IFT140: variants seen among roughly 807,000 people sequenced by gnomAD.
The protein encoded by IFT140 is intraflagellar transport 140.
A neutral mutation model predicts 164.6 loss-of-function variants in IFT140; 133 were observed. That is an observed-to-expected ratio of 0.81 (90% CI 0.70 to 0.93). The LOEUF (loss-of-function observed/expected upper bound fraction) is 0.93. IFT140 is among the 40% of genes least tolerant of loss of function. The pLI is 0.00. For synonymous variants in IFT140, 860 were observed against 817.3 expected, an observed-to-expected ratio of 1.05 and a Z score of -0.89; for missense variants, 2,045 against 1,972.3, an observed-to-expected ratio of 1.04 and a Z score of -0.70.
chr16:1,522,620 C>T (rs1596301049), intron 26 of IFT140, among the ~76,000 whole-genome samples: 1 of 152,154 alleles, frequency 6.6e-6, no homozygotes, highest in South Asian at 2.1e-4. Flanking sequence ...GCAGGCAGAT[C>T]ACGAGGTCAA....
intron 2 of IFT140, among the ~76,000 whole-genome samples, chr16:1,609,610 A>G (rs1164742093): frequency 3.3e-5 from 5 of 152,230 alleles, no homozygotes; most frequent in Non-Finnish European, 7.3e-5. Context: ...CTTAGCAAGG[A>G]GAGAGATTCT....
intron 1 of IFT140, among the ~76,000 whole-genome samples, chr16:1,611,197 C>T (rs1400616656): frequency 6.6e-6 from 1 of 152,180 alleles, no homozygotes; most frequent in East Asian, 1.9e-4. Flanking sequence ...CCAAGCGAGG[C>T]AGGGAGCGCC....
In IFT140 at chr16:1,551,109, T is replaced by C. The variant is rs1204193352; in HGVS notation, c.2399+6826A>G. 6.6e-6 allele frequency among the ~76,000 whole-genome samples: 1 copy of C among 152,236 alleles called. No individual in the cohort carries two copies. The highest frequency in any genetic ancestry group is 1.5e-5 in the Non-Finnish European group (1 of 68,038). Reference sequence around the variant, plus strand: ...CCCGCAGCTCCACACTGCATTCTGTTCTGTTTCACGTCTACTTTGGTCTCC... The same window carrying C: ...CCCGCAGCTCCACACTGCATTCTGTCCTGTTTCACGTCTACTTTGGTCTCC... On this transcript the variant is annotated intron_variant, in intron 19 of 30. Transcript: ENST00000426508. The surrounding 1 kb of genome is among the most constrained non-coding windows in gnomAD (Gnocchi z 4.0).
intron 30 of IFT140, chr16:1,514,252 C>A (rs2040278258): frequency 6.6e-6 from 1 of 151,990 alleles, no homozygotes; most frequent in Non-Finnish European, 1.5e-5. Context: ...CGCCTGTAGT[C>A]CCAGCTACTC....
At chr16:1,590,826 C>T (rs1268365996) in intron 6 of IFT140, among the ~76,000 whole-genome samples, 3 of 152,134 alleles carry the variant, frequency 2.0e-5, no homozygotes, top group Admixed American at 6.5e-5. Flanking sequence ...AGTAGAGTGA[C>T]ATGATCATAG....
At chr16:1,544,671 T>C (rs192068259) in intron 19 of IFT140, among the ~76,000 whole-genome samples, 2,630 of 151,862 alleles carry the variant, frequency 0.017, 29 homozygotes, top group Non-Finnish European at 0.027. Flanking sequence ...TTTTTTGAGA[T>C]GGAGTCTCGC....
intron 19 of IFT140, chr16:1,554,751 C>G: frequency 6.2e-7 from 1 of 1,609,986 alleles, no homozygotes; most frequent in Non-Finnish European, 8.5e-7. Flanking sequence ...TCCTCTCAGA[C>G]AAGGCCTCTC....
chr16:1,564,985 C>T lies in IFT140; in HGVS notation c.1902-823G>A, dbSNP rs986639027. Reference sequence around the variant, plus strand: ...TGCTCCAGACAAGGCGGCTCTGAGGCCCAGAGAGCCCGGGGACACAAGCTG... The same window carrying T: ...TGCTCCAGACAAGGCGGCTCTGAGGTCCAGAGAGCCCGGGGACACAAGCTG... On this transcript the variant is annotated intron_variant, in intron 16 of 30. Coordinates refer to ENST00000426508, the MANE Select transcript of IFT140 (RefSeq NM_014714.4). The surrounding 1 kb of genome is among the most constrained non-coding windows in gnomAD (Gnocchi z 5.5). 6.6e-6 allele frequency among the ~76,000 whole-genome samples: 1 copy of T among 152,134 alleles called. No individual in the cohort carries two copies.
chr16:1,519,430 C>T (rs1309358710), intron 29 of IFT140, among the ~76,000 whole-genome samples: 4 of 152,164 alleles, frequency 2.6e-5, no homozygotes, highest in Non-Finnish European at 4.4e-5. Context: ...CCGAGACCAT[C>T]GGCTGGCTGC....
intron 9 of IFT140, 47 bp downstream of exon 9, chr16:1,587,151 G>A: frequency 8.4e-7 from 1 of 1,194,584 alleles, no homozygotes. Flanking sequence ...GGCGCACAAT[G>A]CTTGTGGTTG....
At chr16:1,577,634 A>G (rs1041688385) in intron 13 of IFT140, 1 of 152,140 alleles carries the variant, frequency 6.6e-6, no homozygotes, top group African/African-American at 2.4e-5. Flanking sequence ...CAGGTGGATC[A>G]CCTGAGGTCA....
chr16:1,573,346 C>T (rs1031720215), intron 13 of IFT140, among the ~76,000 whole-genome samples: 1 of 151,834 alleles, frequency 6.6e-6, no homozygotes, highest in Non-Finnish European at 1.5e-5. Context: ...CTGCCCCTTA[C>T]CTGCTGGGTC....
rs1354515667 is a variant in IFT140, at chr16:1,587,289, T to A, written c.918A>T (p.Glu306Asp). 1 of 1,610,790 alleles carries A rather than the reference T, an allele frequency of 6.2e-7. No individual in the cohort carries two copies. Among genetic ancestry groups the A allele is most frequent in the South Asian group, 1.1e-5 (1 of 91,016 alleles). The change falls in exon 9 of 31, where the codon GAA (glutamate) becomes GAT (aspartate). Residue 306 changes from glutamate (E) to aspartate (D), a missense_variant. Coordinates refer to ENST00000426508, the MANE Select transcript of IFT140 (RefSeq NM_014714.4). ...GACTCAGTATATAATTCTCTCCTCG[T>A]TCTATGTCCCAGAATCTACAACAGA... ...GEAALRFWDI[E>D]RGENYILSPD...
chr16:1,545,544 AAC>A (rs2032099526), intron 19 of IFT140, among the ~76,000 whole-genome samples: 1 of 152,184 alleles, frequency 6.6e-6, no homozygotes, highest in African/African-American at 2.4e-5. Context: ...GTCTGTTTTA[AAC>A]AGTCAGGGAG....
intron 14 of IFT140, 31 bp downstream of exon 14, chr16:1,571,376 G>A (rs556892284): frequency 5.6e-6 from 9 of 1,604,258 alleles, no homozygotes; most frequent in Non-Finnish European, 7.7e-6. Context: ...CTAAAAAAAT[G>A]TTCACACTTC....
In IFT140 at chr16:1,524,603, C is replaced by T. The variant is rs146280554; in HGVS notation, c.3090G>A (p.Val1030=). 1 of 1,606,198 alleles carries T rather than the reference C, an allele frequency of 6.2e-7. No individual in the cohort carries two copies. Among genetic ancestry groups the T allele is most frequent in the African/African-American group, 1.3e-5 (1 of 74,754 alleles). Reference sequence around the variant, plus strand: ...AGGCCTGTGCCCGGGTGTAGAAGTGCACCGCCTGCCCGACCTCCTCCTGGC... The same window carrying T: ...AGGCCTGTGCCCGGGTGTAGAAGTGTACCGCCTGCCCGACCTCCTCCTGGC... ...YESQEEVGQA[V]HFYTRAQAFK... The change falls in exon 24 of 31, where the codon GTG becomes GTA. Residue 1030 remains valine, a synonymous_variant. Transcript: ENST00000426508.
At chr16:1,532,154 T>C (rs1596315932) in intron 19 of IFT140, 1 of 151,974 alleles carries the variant, frequency 6.6e-6, no homozygotes, top group Non-Finnish European at 1.5e-5. Context: ...CCCAGGGCCT[T>C]CCGAGCCACC....
At position 1,568,225 on chromosome 16, in the gene IFT140, G is replaced by A. The variant is rs2033827837; in HGVS notation, c.1762C>T (p.Pro588Ser). The A allele has an allele frequency of 1.3e-6, 2 of 1,599,546 alleles. No individual in the cohort carries two copies. The highest frequency in any genetic ancestry group is 1.3e-5 in the African/African-American group (1 of 74,676). Residue 588 changes from proline (P) to serine (S), a missense_variant, in exon 15 of 31, where the codon CCC becomes TCC. Transcript: ENST00000426508. The part of the protein sequence containing the change: ...SSSGSTISIL[P>S]SKADNSPDSK... ...ACGAGGGGTGGCCTCACCTTGCTGG[G>A]GAGGATGCTGATGGTGCTCCCGCTG...
chr16:1,515,407 C>G (rs560524306), intron 30 of IFT140, among the ~76,000 whole-genome samples: 2 of 152,272 alleles, frequency 1.3e-5, no homozygotes, highest in South Asian at 4.1e-4. Context: ...AAAAATCTGT[C>G]AAATCAGGAT....
Sources: allele counts gnomAD v4.1 joint callset (sites outside exome capture counted in the v4.1 genomes callset), GRCh38; gene constraint gnomAD v4.1.1; non-coding constraint Gnocchi (gnomAD v3.1); transcripts MANE v1.5; gene names NCBI Gene and HGNC (gene_info 2026-07-23, HGNC 2026-07-21).